Variants in BNIP3L observed in about 807,000 individuals in gnomAD.
The protein encoded by BNIP3L is BCL2/adenovirus E1B 19 kDa protein-interacting protein 3-like.
BNIP3L carries 10 observed loss-of-function variants against 25.5 expected under a neutral mutation model. That is an observed-to-expected ratio of 0.39 (90% CI 0.24 to 0.67). The LOEUF (loss-of-function observed/expected upper bound fraction) is 0.67, where lower values mean the gene tolerates loss of function less well. Among genes scored for constraint, BNIP3L ranks in the 30% least tolerant of loss-of-function variants. The pLI, the probability that BNIP3L is intolerant of heterozygous loss-of-function variation, is 0.45. For synonymous variants in BNIP3L, 113 were observed against 101.2 expected (o/e 1.12, Z -0.70); for missense variants, 215 against 270.9 (o/e 0.79, Z 1.45).
chr8:26,395,242 A>G lies in BNIP3L; in HGVS notation c.297A>G (p.Gln99=), dbSNP rs749138266. The part of the protein sequence containing the change: ...GSSHCDSPSP[Q]EDGQIMFDVE... ...CCTTCTCTTCTAGCCCTTCGCCACAAGAAGATGGGCAGATCATGTTTGATG... is the reference window on the plus strand; with the variant it reads ...CCTTCTCTTCTAGCCCTTCGCCACAGGAAGATGGGCAGATCATGTTTGATG... Residue 99 remains glutamine (Q), a synonymous_variant, in exon 3 of 6, where the codon CAA becomes CAG. Coordinates refer to ENST00000380629, the MANE Select transcript of BNIP3L (RefSeq NM_004331.3). 6.2e-7 allele frequency: 1 copy of G among 1,614,130 alleles called. No individual in the cohort carries two copies. The highest frequency in any genetic ancestry group is 2.2e-5 in the East Asian group (1 of 44,872).
chr8:26,408,536 T>G lies in BNIP3L; in HGVS notation c.611+160T>G, dbSNP rs757774209. 6.6e-5 allele frequency among the ~76,000 whole-genome samples: 10 copies of G among 152,220 alleles called. No individual in the cohort carries two copies. The South Asian group carries it at 1.0e-3, about 16-fold the overall frequency. ...AGTGGGTGCACAATTGTTCTACAAA[T>G]AAGCATTTTTAATAATAGTAGAGTG... On this transcript the variant is annotated intron_variant, in intron 5 of 5. Transcript: ENST00000380629.
At chr8:26,406,782 C>G (rs1009061311) in intron 3 of BNIP3L, among the ~76,000 whole-genome samples, 2 of 150,946 alleles carry the variant, frequency 1.3e-5, no homozygotes, top group Admixed American at 6.6e-5. Flanking sequence ...TGATTGCACT[C>G]TGGCCTGGGT....
chr8:26,388,493 C>G (rs1411876202), intron 1 of BNIP3L, among the ~76,000 whole-genome samples: 1 of 152,104 alleles, frequency 6.6e-6, no homozygotes, highest in Admixed American at 6.5e-5. Context: ...ACAAATTGTC[C>G]GCCTTAAGTA....
chr8:26,408,873 G>GAAA (rs36118116), intron 5 of BNIP3L, among the ~76,000 whole-genome samples: 5 of 76,134 alleles, frequency 6.6e-5, no homozygotes, highest in Non-Finnish European at 1.1e-4. Context: ...CTCCATCTCG[G>GAAA]AAAAAAAAAA....
At chr8:26,393,469 CAG>C (rs922826383) in intron 2 of BNIP3L, among the ~76,000 whole-genome samples, 7 of 150,188 alleles carry the variant, frequency 4.7e-5, no homozygotes, top group Non-Finnish European at 7.4e-5. Context: ...TTTTGGTTGA[CAG>C]GGGCAGGGTA....
chr8:26,405,597 A>G (rs540642562), intron 3 of BNIP3L, among the ~76,000 whole-genome samples: 2 of 152,294 alleles, frequency 1.3e-5, no homozygotes, highest in South Asian at 4.1e-4. Flanking sequence ...AGTCATGTGA[A>G]TATGTCAGAC....
chr8:26,406,473 T>C (rs1806501762), intron 3 of BNIP3L, among the ~76,000 whole-genome samples: 1 of 152,222 alleles, frequency 6.6e-6, no homozygotes, highest in South Asian at 2.1e-4. Context: ...TCCTCATCTG[T>C]AAAATGGGAT....
At chr8:26,398,678 T>TC (rs1389540725) in intron 3 of BNIP3L, among the ~76,000 whole-genome samples, 1 of 141,154 alleles carries the variant, frequency 7.1e-6, no homozygotes, top group African/African-American at 2.7e-5. Context: ...AATCAATGAA[T>TC]CCAGGAGCTG....
At chr8:26,401,291 T>C (rs1806365111) in intron 3 of BNIP3L, among the ~76,000 whole-genome samples, 1 of 133,282 alleles carries the variant, frequency 7.5e-6, no homozygotes, top group African/African-American at 2.8e-5. Flanking sequence ...TTGGAAACCA[T>C]CATTCTCAGT....
At chr8:26,390,527 G>C (rs547810233) in intron 1 of BNIP3L, 2 of 985,384 alleles carry the variant, frequency 2.0e-6, no homozygotes, top group East Asian at 1.1e-4. Context: ...GGTATGTTTA[G>C]TGTATAAAAA....
intron 1 of BNIP3L, among the ~76,000 whole-genome samples, chr8:26,383,897 A>ATT (rs35370895): frequency 8.0e-5 from 12 of 149,138 alleles, no homozygotes; most frequent in Non-Finnish European, 1.8e-4. Context: ...TGCCCAAGTG[A>ATT]TTTTTTTTTT....
chr8:26,403,078 A>G (rs894441813), intron 3 of BNIP3L, among the ~76,000 whole-genome samples: 2 of 152,174 alleles, frequency 1.3e-5, no homozygotes, highest in Non-Finnish European at 2.9e-5. Context: ...ATCCCTTCTC[A>G]GGACCAAATC....
intron 3 of BNIP3L, among the ~76,000 whole-genome samples, chr8:26,400,747 T>G (rs1323317967): frequency 1.6e-5 from 1 of 64,184 alleles, no homozygotes; most frequent in African/African-American, 6.3e-5. Flanking sequence ...CATCAAAAAG[T>G]GGGCGAAGGA....
At chr8:26,385,033 G>T (rs1409434043) in intron 1 of BNIP3L, among the ~76,000 whole-genome samples, 1 of 151,864 alleles carries the variant, frequency 6.6e-6, no homozygotes, top group East Asian at 2.0e-4. Flanking sequence ...CGCCCGCCTG[G>T]GCCTCCCAAA....
At chr8:26,403,985 G>A (rs1194070673) in intron 3 of BNIP3L, among the ~76,000 whole-genome samples, 1 of 152,202 alleles carries the variant, frequency 6.6e-6, no homozygotes, top group Non-Finnish European at 1.5e-5. Context: ...CTGAGTCTGT[G>A]GCCCTTGTTC....
At chr8:26,399,082 T>C (rs1806312015) in intron 3 of BNIP3L, among the ~76,000 whole-genome samples, 2 of 149,444 alleles carry the variant, frequency 1.3e-5, no homozygotes, top group Non-Finnish European at 3.0e-5. Flanking sequence ...CCAGCATCAT[T>C]CTGATACCAA....
intron 5 of BNIP3L, among the ~76,000 whole-genome samples, chr8:26,410,083 G>A (rs1371858117): frequency 6.6e-6 from 1 of 152,148 alleles, no homozygotes; most frequent in Non-Finnish European, 1.5e-5. Flanking sequence ...ACTCTGTGGA[G>A]GGATCTGTTC....
rs1254010332 is a variant in BNIP3L at position 26,411,295 on chromosome 8, ATTTC to A, written c.*887_*890del. 1 of 151,808 alleles carries A rather than the reference ATTTC, an allele frequency of 6.6e-6. No individual in the cohort carries two copies. The highest frequency in any genetic ancestry group is 1.5e-5 in the Non-Finnish European group (1 of 67,840). The allele number at this position is 151,808 out of a possible 1,614,324, so 9.4% of individuals were successfully genotyped here. On this transcript the variant is annotated 3_prime_UTR_variant, in exon 6 of 6. Transcript: ENST00000380629. ...ACCTTCTTTACATTTTTTATTTTTT[ATTTC>A]TTTATTTTTTTTTCTCTAAGAAGAG...
chr8:26,403,019 A>G (rs2117488708), intron 3 of BNIP3L, among the ~76,000 whole-genome samples: 1 of 152,322 alleles, frequency 6.6e-6, no homozygotes, highest in African/African-American at 2.4e-5. Context: ...TTTGAAATTC[A>G]GGAAAGAAAA....
Sources: gnomAD v4.1 joint callset for allele counts (sites outside exome capture counted in the v4.1 genomes callset) on GRCh38, gnomAD v4.1.1 for gene constraint, MANE v1.5 for transcripts, NCBI Gene and HGNC (gene_info 2026-07-23, HGNC 2026-07-21) for gene names.